Variants in ACSL6 observed in about 807,000 individuals in gnomAD.
ACSL6 encodes the protein long-chain-fatty-acid--CoA ligase 6.
A neutral mutation model predicts 98.2 loss-of-function variants in ACSL6; 47 were observed. The observed-to-expected ratio is 0.48, with a 90% CI of 0.38 to 0.61. ACSL6 has a LOEUF of 0.61. ACSL6 is among the 20% of genes least tolerant of loss of function. ACSL6 has a pLI of 0.00. For missense variants in ACSL6, 761 were observed against 913.4 expected, an observed-to-expected ratio of 0.83 and a Z score of 2.15; for synonymous variants, 362 against 336.9, an observed-to-expected ratio of 1.07 and a Z score of -0.82.
At chr5:131,978,182 GC>G (rs1753717904) in intron 9 of ACSL6, among the ~76,000 whole-genome samples, 4 of 152,226 alleles carry the variant, frequency 2.6e-5, no homozygotes, top group Admixed American at 2.6e-4. Flanking sequence ...ATGGTGGGGT[GC>G]AAGAAATCTT....
rs1169326490 is a variant in ACSL6 at position 131,954,343 on chromosome 5, A to G, written c.2060T>C (p.Met687Thr). Residue 687 changes from methionine to threonine, a missense_variant, in exon 21 of 21, where the codon ATG (methionine) becomes ACG (threonine). Physicochemically the swap from Met to Thr is moderately conservative, Grantham distance 81. Coordinates refer to ENST00000651883, the MANE Select transcript of ACSL6 (RefSeq NM_001009185.3). ...QVKAIHIHSD[M>T]FSVQNGLLTP... is the part of the protein sequence containing the mutation. ...CAGCAAGCCATTTTGAACTGAGAACATGTCAGAATGGATGTGAATGGCTTT... is the reference window on the plus strand; with the variant it reads ...CAGCAAGCCATTTTGAACTGAGAACGTGTCAGAATGGATGTGAATGGCTTT... 2 of 1,613,780 alleles carry G rather than the reference A, an allele frequency of 1.2e-6. No individual in the cohort carries two copies. Among genetic ancestry groups the G allele is most frequent in the Non-Finnish European group, 1.7e-6 (2 of 1,179,940 alleles).
chr5:131,978,986 A>AGATTAT, intron 9 of ACSL6, among the ~76,000 whole-genome samples: 1 of 152,366 alleles, frequency 6.6e-6, no homozygotes, highest in Middle Eastern at 3.4e-3. Flanking sequence ...GGGACACAGA[A>AGATTAT]GATTATGACA....
intron 1 of ACSL6, among the ~76,000 whole-genome samples, chr5:132,003,332 C>T (rs899221394): frequency 1.3e-5 from 2 of 152,206 alleles, no homozygotes; most frequent in Non-Finnish European, 2.9e-5. Context: ...GCTCTCCCTC[C>T]GGCAGCAAGC....
rs1008782186 is a variant in ACSL6, at chr5:131,952,810, G to T, written c.*1424C>A. The stretch of plus-strand genomic sequence containing the variant: ...TTTAGGAATGTAATTATGCCATTAG[G>T]CAGTATTTCTTTGTCTATGGACTTA... On this transcript the variant is annotated 3_prime_UTR_variant, in exon 21 of 21. Coordinates refer to ENST00000651883, the MANE Select transcript of ACSL6 (RefSeq NM_001009185.3). 4.6e-6 allele frequency: 1 copy of T among 218,304 alleles called. No individual in the cohort carries two copies. The highest frequency in any genetic ancestry group is 9.2e-6 in the Non-Finnish European group (1 of 108,816). 13.5% of individuals were successfully genotyped at this position (218,304 alleles called of 1,614,324 possible).
chr5:131,981,249 C>T (rs1753872259), intron 9 of ACSL6, among the ~76,000 whole-genome samples: 1 of 148,908 alleles, frequency 6.7e-6, no homozygotes, highest in Non-Finnish European at 1.5e-5. Context: ...AGAAGAGCAA[C>T]AAACCTCCCC....
chr5:131,950,279 G>A lies in ACSL6; in HGVS notation c.*3955C>T. ...CACCTCATGAAACCCTTTCCATTTG[G>A]TACCAAGTTTAGAAATGCTCACATT... On this transcript the variant is annotated 3_prime_UTR_variant, in exon 21 of 21. Transcript: ENST00000651883. 1 of 204,140 alleles carries A rather than the reference G, an allele frequency of 4.9e-6. No individual in the cohort carries two copies. 12.6% of individuals were successfully genotyped at this position (204,140 alleles called of 1,614,324 possible). A position where few individuals can be genotyped will look rare whatever the true frequency, so the allele number is the denominator to read the frequency against.
chr5:131,974,556 G>A (rs1267773916), intron 11 of ACSL6, among the ~76,000 whole-genome samples: 1 of 152,188 alleles, frequency 6.6e-6, no homozygotes, highest in African/African-American at 2.4e-5. Context: ...GGTAAGACAG[G>A]GCAGGCCTGG....
Position 131,950,822 on chromosome 5 carries a change from A to G in ACSL6, c.*3412T>C, listed in dbSNP as rs1752119739. 1 of 191,142 alleles carries G rather than the reference A, an allele frequency of 5.2e-6. No individual in the cohort carries two copies. Among genetic ancestry groups the G allele is most frequent in the African/African-American group, 2.3e-5 (1 of 43,040 alleles). 11.8% of individuals were successfully genotyped at this position (191,142 alleles called of 1,614,324 possible). A position where few individuals can be genotyped will look rare whatever the true frequency, so the allele number is the denominator to read the frequency against. ...GCTGATTTCAAGTTGCTAAAACATT[A>G]CCTGATTGGAAAAAATTCCAATGGA... On this transcript the variant is annotated 3_prime_UTR_variant, in exon 21 of 21. Transcript: ENST00000651883.
chr5:131,986,403 T>C (rs940019437), intron 8 of ACSL6, among the ~76,000 whole-genome samples: 4 of 152,236 alleles, frequency 2.6e-5, no homozygotes, highest in Non-Finnish European at 4.4e-5. Context: ...CACATGGGGA[T>C]GACGCACAGA....
chr5:131,977,595 C>T (rs554393466), intron 9 of ACSL6, among the ~76,000 whole-genome samples: 30 of 152,244 alleles, frequency 2.0e-4, no homozygotes, highest in South Asian at 8.3e-4. Flanking sequence ...TCTATAAGAT[C>T]TAAAGATATA....
chr5:131,998,947 C>CA (rs1299128750), intron 1 of ACSL6, among the ~76,000 whole-genome samples: 1 of 152,196 alleles, frequency 6.6e-6, no homozygotes, highest in African/African-American at 2.4e-5. Flanking sequence ...TCCTCTGTAT[C>CA]AGCCTCTCTA....
intron 1 of ACSL6, chr5:132,006,656 T>A (rs1360199021): frequency 2.0e-5 from 3 of 152,248 alleles, no homozygotes; most frequent in Non-Finnish European, 1.5e-5. Flanking sequence ...ATCTGTCAGG[T>A]GACTGGAACC....
rs149613343 is a variant in ACSL6, at chr5:131,971,777, G to C, written c.1339-132C>G. 500 of 649,554 alleles carry C rather than the reference G, an allele frequency of 7.7e-4. 5 individuals carry two copies. The highest frequency in any genetic ancestry group is 5.3e-3 in the South Asian group (185 of 35,022). 40.2% of individuals were successfully genotyped at this position (649,554 alleles called of 1,614,324 possible). On this transcript the variant is annotated intron_variant, in intron 13 of 20. Transcript: ENST00000651883. ...TGCTAGGGCTGGGATCAGAAAGAAG[G>C]CCTGAGGTTGTACAACACACGAGCT...
intron 1 of ACSL6, chr5:131,999,393 G>A (rs1469474864): frequency 6.6e-6 from 1 of 152,292 alleles, no homozygotes; most frequent in African/African-American, 2.4e-5. Flanking sequence ...ACTTGCACAA[G>A]TAGATGCATT....
At chr5:131,974,077 G>T (rs1753475284) in intron 11 of ACSL6, 1 of 152,538 alleles carries the variant, frequency 6.6e-6, no homozygotes, top group Non-Finnish European at 1.5e-5. Context: ...TGCTGGCATT[G>T]AATCCAGGTC....
At chr5:131,957,080 T>A (rs927336464) in intron 20 of ACSL6, among the ~76,000 whole-genome samples, 3 of 152,214 alleles carry the variant, frequency 2.0e-5, no homozygotes, top group Admixed American at 1.3e-4. Context: ...TTTAGAGACA[T>A]AGTATTTTAA....
At chr5:131,974,781 G>A (rs1422791221) in intron 11 of ACSL6, 112 bp downstream of exon 11, 1 of 1,611,568 alleles carries the variant, frequency 6.2e-7, no homozygotes. Flanking sequence ...TCAAACATGT[G>A]TGCTAAAGGC....
intron 1 of ACSL6, chr5:132,003,551 T>C (rs1042063833): frequency 3.9e-5 from 6 of 152,216 alleles, no homozygotes; most frequent in Non-Finnish European, 8.8e-5. Context: ...TCCACTTGGG[T>C]CTGTCACATG....
At chr5:131,967,534 G>A (rs527984621) in intron 16 of ACSL6, among the ~76,000 whole-genome samples, 3 of 151,914 alleles carry the variant, frequency 2.0e-5, no homozygotes, top group South Asian at 2.1e-4. Context: ...GTGTGGTGGC[G>A]GGCACCTGTA....
Sources: allele counts gnomAD v4.1 joint callset (sites outside exome capture counted in the v4.1 genomes callset), GRCh38; gene constraint gnomAD v4.1.1; transcripts MANE v1.5; gene names NCBI Gene and HGNC (gene_info 2026-07-23, HGNC 2026-07-21).